SYAP1: variants seen among roughly 807,000 people sequenced by gnomAD.
SYAP1 encodes the protein synapse-associated protein 1.
A neutral mutation model predicts 29.6 loss-of-function variants in SYAP1; 3 were observed. The observed-to-expected ratio is 0.10, with a 90% confidence interval of 0.05 to 0.26. The LOEUF (loss-of-function observed/expected upper bound fraction) is 0.26. SYAP1 is among the 10% of genes least tolerant of loss of function. SYAP1 has a pLI of 1.00. For missense variants in SYAP1, 217 were observed against 264.1 expected, an observed-to-expected ratio of 0.82 and a Z score of 1.24; for synonymous variants, 102 against 102.7, an observed-to-expected ratio of 0.99 and a Z score of 0.04.
chrX:16,753,070 C>T (rs907045574), intron 5 of SYAP1, among the ~76,000 whole-genome samples: 33 of 109,179 alleles, frequency 3.0e-4, no homozygotes, highest in Non-Finnish European at 6.1e-4. Context: ...GGTGAAACCT[C>T]ATCTCTACAA....
intron 5 of SYAP1, among the ~76,000 whole-genome samples, chrX:16,748,690 T>G (rs1233281016): frequency 8.9e-6 from 1 of 111,938 alleles, no homozygotes; most frequent in African/African-American, 3.2e-5. Context: ...TGCCTTAAGA[T>G]AGTGCAGGAA....
chrX:16,724,325 G>A (rs115949050), intron 1 of SYAP1, among the ~76,000 whole-genome samples: 3,511 of 111,346 alleles, frequency 0.032, 158 homozygotes, highest in African/African-American at 0.11. Flanking sequence ...TGGTCGTATA[G>A]GTATCCTCTG....
chrX:16,724,311 G>C (rs186341153), intron 1 of SYAP1, among the ~76,000 whole-genome samples: 18 of 111,519 alleles, frequency 1.6e-4, no homozygotes, highest in Non-Finnish European at 2.6e-4. Flanking sequence ...CTTTTACTGG[G>C]GACTGGTCGT....
intron 1 of SYAP1, among the ~76,000 whole-genome samples, chrX:16,721,015 A>G (rs900788573): frequency 1.8e-5 from 2 of 109,891 alleles, no homozygotes; most frequent in African/African-American, 6.6e-5. Context: ...TCCATCTCAA[A>G]AAAACAAAAC....
chrX:16,754,739 AT>A (rs1466154527), intron 5 of SYAP1, among the ~76,000 whole-genome samples: 14 of 110,428 alleles, frequency 1.3e-4, no homozygotes, highest in African/African-American at 4.3e-4. Context: ...AAAAAAAAAA[AT>A]TGTTAAAGCC....
Position 16,764,343 on chromosome X carries a change from T to C in SYAP1, c.*3984T>C, listed in dbSNP as rs1442445503. 1 of 107,722 alleles carries C rather than the reference T, an allele frequency of 9.3e-6. No individual in the cohort carries two copies. The highest frequency in any genetic ancestry group is 1.9e-5 in the Non-Finnish European group (1 of 52,496). 8.9% of individuals were successfully genotyped at this position (107,722 alleles called of 1,213,427 possible). On this transcript the variant is annotated 3_prime_UTR_variant, in exon 9 of 9. Transcript: ENST00000380155. ...CACATTTAATTTTAGCAAATTTAGT[T>C]TTTCAACTTTTTTTTTTTTCTTTTT...
At chrX:16,735,018 AAAAAC>A (rs1569248730) in intron 1 of SYAP1, among the ~76,000 whole-genome samples, 2 of 93,707 alleles carry the variant, frequency 2.1e-5, no homozygotes, top group African/African-American at 7.1e-5. Context: ...AAAAAAAAAA[AAAAAC>A]AAAAAAAGAG....
chrX:16,719,931 G>T (rs372611591), intron 1 of SYAP1, 32 bp downstream of exon 1: 52 of 1,154,843 alleles, frequency 4.5e-5, no homozygotes, highest in Middle Eastern at 2.8e-4. Context: ...GACCGGGAAG[G>T]GGGGGGCGCA....
At position 16,741,711 on chromosome X, in the gene SYAP1, T is replaced by C; in HGVS notation, c.362-5T>C. 1 of 1,195,456 alleles carries C rather than the reference T, an allele frequency of 8.4e-7. No individual in the cohort carries two copies. The highest frequency in any genetic ancestry group is 1.8e-5 in the South Asian group (1 of 54,406). On this transcript the variant is annotated splice_polypyrimidine_tract_variant and splice_region_variant and intron_variant, in intron 3 of 8. Transcript: ENST00000380155. ...TTTTCTTCTTTGCCATTAAAAACTG[T>C]ATAGAAGCAGCTGTGCCCCCATGGG...
rs1454115204 is a variant in SYAP1 at position 16,719,650 on chromosome X, A to T, written c.-75A>T. On this transcript the variant is annotated 5_prime_UTR_variant, in exon 1 of 9. Transcript: ENST00000380155. ...CCGGACATCTCCCTGGGAGTCGCGC[A>T]GAGTGGAGTCAAAGGCAACCAGTGC... is the stretch of plus-strand genomic sequence containing the variant. 1.8e-6 allele frequency: 2 copies of T among 1,096,208 alleles called. No homozygotes were observed. The highest frequency in any genetic ancestry group is 2.4e-6 in the Non-Finnish European group (2 of 825,984). 90.3% of individuals were successfully genotyped at this position (1,096,208 alleles called of 1,213,427 possible).
chrX:16,743,952 C>T, intron 5 of SYAP1, 112 bp downstream of exon 5: 1 of 903,058 alleles, frequency 1.1e-6, no homozygotes, highest in Non-Finnish European at 1.5e-6. Context: ...AAAGCAGGCC[C>T]CGCAGCCCTT....
At chrX:16,727,330 CTGAGA>C (rs1406351926) in intron 1 of SYAP1, among the ~76,000 whole-genome samples, 3 of 96,641 alleles carry the variant, frequency 3.1e-5, no homozygotes, top group Non-Finnish European at 6.2e-5. Context: ...TAGAAGGAAT[CTGAGA>C]TAAGACTTTT....
At chrX:16,722,051 AG>A (rs1412019508) in intron 1 of SYAP1, among the ~76,000 whole-genome samples, 1 of 111,840 alleles carries the variant, frequency 8.9e-6, no homozygotes, top group East Asian at 2.8e-4. Flanking sequence ...AAAGTCGTAA[AG>A]GTTCTAGTTC....
intron 5 of SYAP1, among the ~76,000 whole-genome samples, chrX:16,752,090 C>T (rs1926747377): frequency 9.5e-6 from 1 of 105,639 alleles, no homozygotes; most frequent in Non-Finnish European, 1.9e-5. Context: ...AGCGATTCTC[C>T]TGCCTCAGCC....
intron 1 of SYAP1, among the ~76,000 whole-genome samples, chrX:16,723,304 T>A (rs1233424906): frequency 8.9e-6 from 1 of 112,376 alleles, no homozygotes; most frequent in Non-Finnish European, 1.9e-5. Context: ...AGGTTTACAA[T>A]GCACAGTCAA....
Position 16,739,240 on chromosome X carries a change from A to C in SYAP1, c.362-2476A>C, listed in dbSNP as rs747709260. On this transcript the variant is annotated intron_variant, in intron 3 of 8. Transcript: ENST00000380155. The stretch of plus-strand genomic sequence containing the variant: ...GGATTATAATTGCCACCATTTGCTG[A>C]CTTGGGATAAGCCAAAGAATGAAGC... 2.7e-5 allele frequency among the ~76,000 whole-genome samples: 3 copies of C among 111,261 alleles called. No individual in the cohort carries two copies. In the South Asian group the frequency reaches 1.1e-3, roughly 42 times the overall value.
intron 3 of SYAP1, among the ~76,000 whole-genome samples, chrX:16,738,857 C>T (rs967935986): frequency 5.4e-5 from 6 of 111,780 alleles, no homozygotes; most frequent in African/African-American, 2.0e-4. Context: ...TGCATTTCTT[C>T]ACTTCATAAT....
At chrX:16,722,691 C>T (rs944015859) in intron 1 of SYAP1, among the ~76,000 whole-genome samples, 1 of 111,020 alleles carries the variant, frequency 9.0e-6, no homozygotes. Flanking sequence ...GCCTGCATTC[C>T]ACTCCCTCAC....
intron 1 of SYAP1, among the ~76,000 whole-genome samples, chrX:16,734,994 C>G (rs113840687): frequency 1.5e-5 from 1 of 68,196 alleles, no homozygotes; most frequent in Admixed American, 1.9e-4. Flanking sequence ...GCGAGACTGT[C>G]TCAAAAAAAA....
Sources: gnomAD v4.1 joint callset for allele counts (sites outside exome capture counted in the v4.1 genomes callset) on GRCh38, gnomAD v4.1.1 for gene constraint, MANE v1.5 for transcripts, NCBI Gene and HGNC (gene_info 2026-07-23, HGNC 2026-07-21) for gene names.